The following PRKCZ variants were observed in gnomAD, a reference collection of about 807,000 sequenced individuals.
PRKCZ encodes the protein protein kinase C zeta type.
A neutral mutation model predicts 79.5 loss-of-function variants in PRKCZ; 33 were observed. The observed-to-expected ratio is 0.41, with a 90% confidence interval of 0.31 to 0.55. The LOEUF (loss-of-function observed/expected upper bound fraction) is 0.55. PRKCZ is among the 20% of genes least tolerant of loss of function. The probability of loss-of-function intolerance (pLI) is 0.19; values close to 1 mark genes in which losing one functional copy is unlikely to be tolerated. For missense variants in PRKCZ, 578 were observed against 813.5 expected (o/e 0.71, Z 3.52); for synonymous variants, 342 against 320.9 (o/e 1.07, Z -0.70).
At chr1:2,052,791 G>T (rs538059949) in intron 1 of PRKCZ, among the ~76,000 whole-genome samples, 2 of 152,310 alleles carry the variant, frequency 1.3e-5, no homozygotes, top group East Asian at 1.9e-4. Context: ...CTCTGTCCCT[G>T]GGGTGAGACG....
chr1:2,121,702 T>C (rs1456649131), intron 4 of PRKCZ, among the ~76,000 whole-genome samples: 2 of 61,000 alleles, frequency 3.3e-5, no homozygotes, highest in African/African-American at 1.1e-4. Context: ...GTGGTTAGGG[T>C]CACGGTGGTA....
chr1:2,115,916 G>A (rs1432762926), intron 4 of PRKCZ, among the ~76,000 whole-genome samples: 5 of 152,244 alleles, frequency 3.3e-5, no homozygotes, highest in East Asian at 1.9e-4. Context: ...TGACAGGCAC[G>A]GTTGATTCAA....
chr1:2,169,345 C>G, intron 10 of PRKCZ, 173 bp from the exon 11 acceptor site: 1 of 677,488 alleles, frequency 1.5e-6, no homozygotes, highest in Non-Finnish European at 2.7e-6. Context: ...CCCCGCAGCC[C>G]GTCCCCACCA....
chr1:2,155,613 G>A lies in PRKCZ; in HGVS notation c.877-382G>A, dbSNP rs569319227. ...CGGTGGTGGTGATGATGACAGTGACGGTGATGATGACAGTGGTGGTGAAGG... is the reference window on the plus strand; with the variant it reads ...CGGTGGTGGTGATGATGACAGTGACAGTGATGATGACAGTGGTGGTGAAGG... On this transcript the variant is annotated intron_variant, in intron 9 of 17. Transcript: ENST00000378567. 5.9e-5 allele frequency among the ~76,000 whole-genome samples: 9 copies of A among 151,558 alleles called. No individual in the cohort carries two copies. In the South Asian group the frequency reaches 6.3e-4, roughly 11 times the overall value.
intron 5 of PRKCZ, chr1:2,143,416 T>C (rs1677815126): frequency 6.6e-6 from 1 of 152,182 alleles, no homozygotes; most frequent in Non-Finnish European, 1.5e-5. Flanking sequence ...GAAAAGCATA[T>C]GAAAGGGCTG....
At chr1:2,132,103 G>A (rs184587050) in intron 4 of PRKCZ, among the ~76,000 whole-genome samples, 37 of 152,310 alleles carry the variant, frequency 2.4e-4, no homozygotes, top group Admixed American at 2.0e-4. Flanking sequence ...GAGCCACCGT[G>A]CCTAGTATTG....
chr1:2,097,150 G>C (rs1666668769), intron 4 of PRKCZ, among the ~76,000 whole-genome samples: 1 of 152,220 alleles, frequency 6.6e-6, no homozygotes, highest in African/African-American at 2.4e-5. Flanking sequence ...CTGGCCCTTG[G>C]CATGGCTGGG....
intron 4 of PRKCZ, among the ~76,000 whole-genome samples, chr1:2,103,883 C>T (rs1667914232): frequency 6.6e-6 from 1 of 152,192 alleles, no homozygotes; most frequent in African/African-American, 2.4e-5. Flanking sequence ...GGGTGAAGGG[C>T]AACGCGCCCC....
intron 4 of PRKCZ, chr1:2,135,022 C>T (rs1386978871): frequency 4.9e-6 from 2 of 404,638 alleles, no homozygotes; most frequent in African/African-American, 2.0e-5. Context: ...TGCGAGGACA[C>T]CTGGCTCCAT....
At chr1:2,118,623 C>T (rs1462375998) in intron 4 of PRKCZ, among the ~76,000 whole-genome samples, 2 of 152,084 alleles carry the variant, frequency 1.3e-5, no homozygotes, top group Admixed American at 6.5e-5. Context: ...AGGCGTGAGC[C>T]ACTGTGCCCG....
intron 6 of PRKCZ, chr1:2,145,240 C>G (rs191752115): frequency 6.6e-6 from 1 of 152,198 alleles, no homozygotes; most frequent in Non-Finnish European, 1.5e-5. Flanking sequence ...CAAATGAGAC[C>G]GGCCCCAGAA....
chr1:2,147,003 C>T (rs947398582), intron 7 of PRKCZ, among the ~76,000 whole-genome samples: 6 of 152,064 alleles, frequency 3.9e-5, no homozygotes, highest in Non-Finnish European at 8.8e-5. Context: ...TCCATCTCGT[C>T]ATCCAGCCAG....
At position 2,174,317 on chromosome 1, in the gene PRKCZ, G is replaced by C. The variant is rs1442793255; in HGVS notation, c.1405+301G>C. On this transcript the variant is annotated intron_variant, in intron 14 of 17. Transcript: ENST00000378567. The surrounding 1 kb of genome is among the most constrained non-coding windows in gnomAD (Gnocchi z 6.2). ...GCATGTCCTTGACCGAGGCTGTACC[G>C]AGCTGAAAGCACAGCCCCCACCCCC... Among the ~76,000 whole-genome samples the C allele has an allele frequency of 6.6e-6, 1 of 152,160 alleles. No individual in the cohort carries two copies. Among genetic ancestry groups the C allele is most frequent in the African/African-American group, 2.4e-5 (1 of 41,442 alleles).
intron 4 of PRKCZ, among the ~76,000 whole-genome samples, chr1:2,068,089 C>G (rs1233565001): frequency 6.6e-6 from 1 of 152,228 alleles, no homozygotes; most frequent in East Asian, 1.9e-4. Context: ...TGAGAGGCAG[C>G]AGTACGTTCC....
At position 2,050,513 on chromosome 1, in the gene PRKCZ, G is replaced by C. The variant is rs1451210226; in HGVS notation, c.-118G>C. 1.3e-5 allele frequency: 7 copies of C among 553,692 alleles called. No homozygotes were observed. Among genetic ancestry groups the C allele is most frequent in the Non-Finnish European group, 1.5e-5 (6 of 388,384 alleles). The allele number at this position is 553,692 out of a possible 1,614,324, so 34.3% of individuals were successfully genotyped here. Reference sequence around the variant, plus strand: ...GTTCCGCGGAGTTGACCGGGTCGGCGCCGTCGGTCCTGAGCGCTGCCTTCC... The same window carrying C: ...GTTCCGCGGAGTTGACCGGGTCGGCCCCGTCGGTCCTGAGCGCTGCCTTCC... On this transcript the variant is annotated 5_prime_UTR_variant, in exon 1 of 18. Transcript: ENST00000378567.
rs141555317 is a variant in PRKCZ at position 2,112,542 on chromosome 1, G to C, written c.335-22720G>C. 5.7e-3 allele frequency among the ~76,000 whole-genome samples: 866 copies of C among 152,278 alleles called. 3 individuals carry two copies. Among genetic ancestry groups the C allele is most frequent in the African/African-American group, 0.019 (810 of 41,556 alleles). ...GACTGTGGGGTGCAGCCGCCGCTTGGAGCGGAGGTGAATGGGACCCCACAC... is the reference window on the plus strand; with the variant it reads ...GACTGTGGGGTGCAGCCGCCGCTTGCAGCGGAGGTGAATGGGACCCCACAC... On this transcript the variant is annotated intron_variant, in intron 4 of 17. Coordinates refer to ENST00000378567, the MANE Select transcript of PRKCZ (RefSeq NM_002744.6).
At chr1:2,155,473 CGGT>C (rs776805294) in intron 9 of PRKCZ, among the ~76,000 whole-genome samples, 3 of 148,308 alleles carry the variant, frequency 2.0e-5, no homozygotes, top group Admixed American at 6.7e-5. Flanking sequence ...GTGATGATGA[CGGT>C]GGTGATGAAG....
chr1:2,093,797 C>T (rs1665934406), intron 4 of PRKCZ, among the ~76,000 whole-genome samples: 1 of 152,188 alleles, frequency 6.6e-6, no homozygotes, highest in Admixed American at 6.5e-5. Context: ...CTCCCTGCGG[C>T]CTGCCCCGCC....
intron 4 of PRKCZ, among the ~76,000 whole-genome samples, chr1:2,083,906 G>C (rs1370665019): frequency 6.6e-6 from 1 of 152,190 alleles, no homozygotes; most frequent in Non-Finnish European, 1.5e-5. Context: ...TTTTGCGCTC[G>C]AATAGGTTTC....
Sources: gnomAD v4.1 joint callset for allele counts (sites outside exome capture counted in the v4.1 genomes callset) on GRCh38, gnomAD v4.1.1 for gene constraint, Gnocchi (gnomAD v3.1) non-coding constraint, MANE v1.5 for transcripts, NCBI Gene and HGNC (gene_info 2026-07-23, HGNC 2026-07-21) for gene names.